Variants in ATP5MC2 observed in about 807,000 individuals in gnomAD.
ATP5MC2 encodes the protein ATP synthase membrane subunit c locus 2, also known as ATP synthase F(0) complex subunit C2, mitochondrial.
A neutral mutation model predicts 13.5 loss-of-function variants in ATP5MC2; 11 were observed. That is an observed-to-expected ratio of 0.81 (90% confidence interval 0.51 to 1.35). ATP5MC2 has a LOEUF of 1.35. Ranked by LOEUF, ATP5MC2 falls within the 40% of genes most tolerant of loss-of-function variation. The pLI, the probability that ATP5MC2 is intolerant of heterozygous loss-of-function variation, is 0.00. For missense variants in ATP5MC2, 132 were observed against 175.0 expected (o/e 0.75, Z 1.39); for synonymous variants, 64 against 69.7 (o/e 0.92, Z 0.41).
At chr12:53,678,582 T>C (rs1704333412), upstream of ATP5MC2, among the ~76,000 whole-genome samples, 1 of 151,928 alleles carries the variant, frequency 6.6e-6, no homozygotes, top group African/African-American at 2.4e-5. Context: ...GAGGGGAGGC[T>C]GAGAATCCTG....
At chr12:53,670,285 G>A (rs1232765537) in intron 2 of ATP5MC2, 1 of 370,352 alleles carries the variant, frequency 2.7e-6, no homozygotes, top group Non-Finnish European at 5.2e-6. Context: ...CTCAACAAGG[G>A]AAATATATAC....
chr12:53,666,463 G>A (rs1478621268), intron 4 of ATP5MC2, among the ~76,000 whole-genome samples: 2 of 152,130 alleles, frequency 1.3e-5, no homozygotes, highest in East Asian at 3.9e-4. Context: ...TGTAGTCCCA[G>A]CTACTCAGGA....
intron 4 of ATP5MC2, among the ~76,000 whole-genome samples, chr12:53,668,295 GT>G (rs1371377371): frequency 4.7e-5 from 7 of 148,838 alleles, no homozygotes; most frequent in Admixed American, 1.3e-4. Flanking sequence ...GCCTATATTT[GT>G]TTTTTTCTTT....
chr12:53,676,661 A>T (rs3892761), upstream of ATP5MC2: 51,166 of 180,496 alleles, frequency 0.28, 7,536 homozygotes, highest in East Asian at 0.36. Flanking sequence ...AAGCAGCATC[A>T]GCGAGCCAGA....
At chr12:53,671,179 C>G (rs934079728) in intron 2 of ATP5MC2, among the ~76,000 whole-genome samples, 1 of 152,160 alleles carries the variant, frequency 6.6e-6, no homozygotes, top group Non-Finnish European at 1.5e-5. Context: ...TGATTCATAG[C>G]CAGGGCTTTA....
In ATP5MC2 at chr12:53,665,334, G is replaced by T; in HGVS notation, c.406C>A (p.Leu136Ile). 1 of 1,612,660 alleles carries T rather than the reference G, an allele frequency of 6.2e-7. No homozygotes were observed. Among genetic ancestry groups the T allele is most frequent in the South Asian group, 1.1e-5 (1 of 91,014 alleles). The change falls in exon 5 of 5, where the codon CTC becomes ATC. Residue 136 changes from leucine (L) to isoleucine (I), a missense_variant. Physicochemically the swap from Leu to Ile is conservative, Grantham distance 5. Coordinates refer to ENST00000394349, the MANE Select transcript of ATP5MC2 (RefSeq NM_005176.7). The stretch of plus-strand genomic sequence containing the variant: ...CTCCTTCACATGGCAAAGAGGATGA[G>T]AAAGGCTACCATCAGACAAAAGAGC... ...MGLFCLMVAF[L>I]ILFAM
upstream of ATP5MC2, chr12:53,677,077 C>CATAAAAA (rs3842285): frequency 6.6e-6 from 1 of 152,270 alleles, no homozygotes; most frequent in African/African-American, 2.4e-5. Flanking sequence ...CACCAAACCC[C>CATAAAAA]ATAAAAAATA....
At chr12:53,679,836 G>C (rs1945331622), upstream of ATP5MC2, among the ~76,000 whole-genome samples, 1 of 152,116 alleles carries the variant, frequency 6.6e-6, no homozygotes, top group Admixed American at 6.6e-5. Context: ...TACTTCTAAA[G>C]AAAGAAAACA....
At chr12:53,667,956 C>CACATATAT (rs1390194186) in intron 4 of ATP5MC2, among the ~76,000 whole-genome samples, 175 of 67,186 alleles carry the variant, frequency 2.6e-3, no homozygotes, top group African/African-American at 3.4e-3. Context: ...CATACACACA[C>CACATATAT]ATATATATAT....
upstream of ATP5MC2, chr12:53,676,404 A>G (rs1460351662): frequency 3.2e-6 from 2 of 624,254 alleles, no homozygotes; most frequent in Non-Finnish European, 2.7e-6. Context: ...TCACACTGCC[A>G]AAACAAAACT....
rs1565625260 is a variant in ATP5MC2 at position 53,667,971 on chromosome 12, ATATATATATATATATATATATATAAAT to A, written c.311+1150_311+1176del. Among the ~76,000 whole-genome samples the A allele has an allele frequency of 7.0e-3, 352 of 50,176 alleles. 1 individual carries two copies. The highest frequency in any genetic ancestry group is 0.038 in the African/African-American group (336 of 8,888). The allele number at this position is 50,176 out of a possible 152,430, so 32.9% of individuals were successfully genotyped here. ...CATACACACACATATATATATATAT[ATATATATATATATATATATATATAAAT>A]TTTTTTTTTTTTGATGGTCTCACTC... On this transcript the variant is annotated intron_variant, in intron 4 of 4. Transcript: ENST00000394349.
chr12:53,666,270 CCT>C lies in ATP5MC2; in HGVS notation c.312-844_312-843del, dbSNP rs1204072985. ...ACCAGCCTGGCCAACCTGGTGAAACCCTGTCTCTACCAAAAATACAAAAATTG... is the reference window on the plus strand; with the variant it reads ...ACCAGCCTGGCCAACCTGGTGAAACCGTCTCTACCAAAAATACAAAAATTG... On this transcript the variant is annotated intron_variant, in intron 4 of 4. Coordinates refer to ENST00000394349, the MANE Select transcript of ATP5MC2 (RefSeq NM_005176.7). Among the ~76,000 whole-genome samples, 12 of 151,672 alleles carry C rather than the reference CCT, an allele frequency of 7.9e-5. No homozygotes were observed. In the East Asian group the frequency reaches 1.7e-3, roughly 22 times the overall value.
In ATP5MC2 at chr12:53,672,619, A is replaced by G. The variant is rs868621545; in HGVS notation, c.-5T>C. The G allele has an allele frequency of 8.2e-6, 13 of 1,583,490 alleles. No individual in the cohort carries two copies. The highest frequency in any genetic ancestry group is 1.0e-5 in the Non-Finnish European group (12 of 1,164,564). Reference sequence around the variant, plus strand: ...AAACTTGGAGCAGGCGAACATTTTCAGGGGGTGAGGAGCTGTGGCAGGAGA... The same window carrying G: ...AAACTTGGAGCAGGCGAACATTTTCGGGGGGTGAGGAGCTGTGGCAGGAGA... On this transcript the variant is annotated 5_prime_UTR_variant, in exon 2 of 5. Coordinates refer to ENST00000394349, the MANE Select transcript of ATP5MC2 (RefSeq NM_005176.7).
At chr12:53,679,120 T>G (rs7297602), upstream of ATP5MC2, among the ~76,000 whole-genome samples, 83,059 of 151,872 alleles carry the variant, frequency 0.55, 23,249 homozygotes, top group East Asian at 0.94. Context: ...GGTTTTGATT[T>G]GTTTATATAT....
In ATP5MC2 at chr12:53,672,628, G is replaced by A. The variant is rs1945135555; in HGVS notation, c.-14C>T. 1.6e-5 allele frequency: 25 copies of A among 1,581,434 alleles called. No individual in the cohort carries two copies. Among genetic ancestry groups the A allele is most frequent in the Non-Finnish European group, 2.1e-5 (24 of 1,163,442 alleles). The stretch of plus-strand genomic sequence containing the variant: ...GCAGGCGAACATTTTCAGGGGGTGA[G>A]GAGCTGTGGCAGGAGAGCTGGAATT... On this transcript the variant is annotated 5_prime_UTR_variant, in exon 2 of 5. Coordinates refer to ENST00000394349, the MANE Select transcript of ATP5MC2 (RefSeq NM_005176.7).
At chr12:53,680,887 A>G (rs990032808), upstream of ATP5MC2, among the ~76,000 whole-genome samples, 1 of 152,184 alleles carries the variant, frequency 6.6e-6, no homozygotes, top group Non-Finnish European at 1.5e-5. Context: ...AATAAAATGG[A>G]CACCCATTAA....
At chr12:53,676,007 G>A in intron 1 of ATP5MC2, 46 bp downstream of exon 1, 1 of 1,598,114 alleles carries the variant, frequency 6.3e-7, no homozygotes, top group Non-Finnish European at 8.5e-7. Flanking sequence ...GAGGTGTCCC[G>A]CGCGCGTGCG....
At chr12:53,669,413 A>G in intron 3 of ATP5MC2, 72 bp from the exon 4 acceptor site, 14 of 1,488,404 alleles carry the variant, frequency 9.4e-6, no homozygotes, top group Non-Finnish European at 1.2e-5. Flanking sequence ...AAACCCTTTA[A>G]GCTGCCAAAT....
chr12:53,674,484 A>C (rs1945206448), intron 1 of ATP5MC2, among the ~76,000 whole-genome samples: 1 of 152,254 alleles, frequency 6.6e-6, no homozygotes, highest in South Asian at 2.1e-4. Context: ...TAGAGGATAG[A>C]CTTGAACTTG....
Sources: gnomAD v4.1 joint callset for allele counts (sites outside exome capture counted in the v4.1 genomes callset) on GRCh38, gnomAD v4.1.1 for gene constraint, MANE v1.5 for transcripts, NCBI Gene and HGNC (gene_info 2026-07-23, HGNC 2026-07-21) for gene names.